The following DPP10 variants were observed in gnomAD, a reference collection of about 807,000 sequenced individuals.
DPP10 encodes the protein dipeptidyl peptidase like 10.
In DPP10, 33 loss-of-function variants were observed where a neutral mutation model predicts 120.9. The observed-to-expected ratio is 0.27, with a 90% CI of 0.21 to 0.37. The LOEUF is 0.37. DPP10 is among the 10% of genes least tolerant of loss of function. The pLI, the probability that DPP10 is intolerant of heterozygous loss-of-function variation, is 1.00. For synonymous variants in DPP10, 337 were observed against 326.1 expected (o/e 1.03, Z -0.36); for missense variants, 816 against 942.8 (o/e 0.87, Z 1.76).
chr2:114,802,905 T>C (rs539415661), intron 1 of DPP10, among the ~76,000 whole-genome samples: 280 of 152,330 alleles, frequency 1.8e-3, no homozygotes, highest in African/African-American at 6.4e-3. Context: ...TTAACATAAA[T>C]GTTCAAACTA....
chr2:114,668,940 A>G (rs1401756246), intron 1 of DPP10, among the ~76,000 whole-genome samples: 4 of 152,076 alleles, frequency 2.6e-5, no homozygotes, highest in African/African-American at 4.8e-5. Context: ...TCGTGTTCTC[A>G]TGTAAATATC....
At chr2:114,781,213 A>G (rs571352041) in intron 1 of DPP10, among the ~76,000 whole-genome samples, 3 of 152,152 alleles carry the variant, frequency 2.0e-5, no homozygotes, top group African/African-American at 7.2e-5. Context: ...CTCCACACAT[A>G]CAGTTCAGAG....
chr2:115,445,151 G>C (rs983697512), intron 3 of DPP10, among the ~76,000 whole-genome samples: 1 of 152,108 alleles, frequency 6.6e-6, no homozygotes, highest in Non-Finnish European at 1.5e-5. Context: ...ATAATTGTAA[G>C]TTTCCTGAGG....
chr2:115,757,604 A>G (rs1326908392), intron 11 of DPP10, among the ~76,000 whole-genome samples: 3 of 152,070 alleles, frequency 2.0e-5, no homozygotes, highest in African/African-American at 7.2e-5. Context: ...GAGAGTTACA[A>G]TTCAAGATGT....
chr2:114,568,446 C>T (rs1448619220), intron 1 of DPP10, among the ~76,000 whole-genome samples: 6 of 152,102 alleles, frequency 3.9e-5, no homozygotes, highest in African/African-American at 1.4e-4. Flanking sequence ...ACGAAGTACA[C>T]AGAGAATGCA....
At chr2:114,590,794 A>T (rs1460603228) in intron 1 of DPP10, among the ~76,000 whole-genome samples, 1 of 152,176 alleles carries the variant, frequency 6.6e-6, no homozygotes, top group Admixed American at 6.5e-5. Context: ...GGGAGTAAGG[A>T]GTTTTGAGCA....
At chr2:115,657,217 A>G (rs1359377548) in intron 5 of DPP10, among the ~76,000 whole-genome samples, 2 of 151,768 alleles carry the variant, frequency 1.3e-5, no homozygotes, top group Non-Finnish European at 1.5e-5. Flanking sequence ...CTAAAAGTAG[A>G]TAAAGTGAGA....
At chr2:115,393,384 G>T (rs1262629194) in intron 3 of DPP10, among the ~76,000 whole-genome samples, 1 of 151,988 alleles carries the variant, frequency 6.6e-6, no homozygotes, top group African/African-American at 2.4e-5. Flanking sequence ...AATGAAACTG[G>T]TAAAAATTGA....
intron 1 of DPP10, among the ~76,000 whole-genome samples, chr2:115,301,468 CTTTTT>C (rs5833587): frequency 1.3e-3 from 176 of 135,944 alleles, no homozygotes; most frequent in Non-Finnish European, 2.3e-3. Context: ...AAGTGGGCTA[CTTTTT>C]TTTTTTTTTT....
At chr2:114,623,566 A>T (rs566826107) in intron 1 of DPP10, among the ~76,000 whole-genome samples, 1 of 152,216 alleles carries the variant, frequency 6.6e-6, no homozygotes, top group South Asian at 2.1e-4. Context: ...TAAAATCTTC[A>T]TGACTTTATT....
chr2:115,293,953 G>A (rs570221607), intron 1 of DPP10, among the ~76,000 whole-genome samples: 12 of 152,106 alleles, frequency 7.9e-5, no homozygotes, highest in South Asian at 2.1e-4. Flanking sequence ...AACAATGAGC[G>A]ATTTTCTAAC....
chr2:115,328,953 G>C (rs541960826), intron 2 of DPP10, among the ~76,000 whole-genome samples: 1 of 152,132 alleles, frequency 6.6e-6, no homozygotes, highest in Admixed American at 6.6e-5. Context: ...AAGCATCATT[G>C]CCCATCCCCT....
At chr2:114,716,560 T>C in intron 1 of DPP10, among the ~76,000 whole-genome samples, 1 of 152,184 alleles carries the variant, frequency 6.6e-6, no homozygotes, top group Non-Finnish European at 1.5e-5. Flanking sequence ...CACAACTCAG[T>C]TATATAGCAG....
chr2:114,525,156 A>G (rs1044202837), intron 1 of DPP10, among the ~76,000 whole-genome samples: 8 of 152,192 alleles, frequency 5.3e-5, no homozygotes, highest in Non-Finnish European at 7.4e-5. Context: ...TTTATATTGT[A>G]TTAGAAATAA....
chr2:115,280,253 C>T (rs1278289415), intron 1 of DPP10, among the ~76,000 whole-genome samples: 1 of 152,088 alleles, frequency 6.6e-6, no homozygotes, highest in East Asian at 1.9e-4. Context: ...GTCTTAAGAT[C>T]TATGTCTTCT....
At chr2:115,095,715 GC>G (rs1483221709) in intron 1 of DPP10, among the ~76,000 whole-genome samples, 1 of 151,548 alleles carries the variant, frequency 6.6e-6, no homozygotes, top group Non-Finnish European at 1.5e-5. Flanking sequence ...AACAAAATAT[GC>G]AATTAAATAC....
intron 1 of DPP10, among the ~76,000 whole-genome samples, chr2:115,244,361 C>T (rs2058437203): frequency 6.6e-6 from 1 of 150,532 alleles, no homozygotes; most frequent in African/African-American, 2.4e-5. Context: ...ATAGTTAAGC[C>T]ATAATCATAG....
intron 19 of DPP10, among the ~76,000 whole-genome samples, chr2:115,806,502 T>G (rs1346943211): frequency 2.0e-5 from 3 of 152,136 alleles, no homozygotes; most frequent in Admixed American, 2.0e-4. Flanking sequence ...GATAAATGGA[T>G]TTTTAGAATG....
intron 1 of DPP10, among the ~76,000 whole-genome samples, chr2:114,505,412 C>T (rs1656207992): frequency 6.6e-6 from 1 of 151,024 alleles, no homozygotes; most frequent in South Asian, 2.1e-4. Flanking sequence ...TTAGAGTGTT[C>T]CTCTTTTCTT....
Sources: allele counts gnomAD v4.1 joint callset (sites outside exome capture counted in the v4.1 genomes callset), GRCh38; gene constraint gnomAD v4.1.1; transcripts MANE v1.5; gene names NCBI Gene and HGNC (gene_info 2026-07-23, HGNC 2026-07-21).